CREB5: variants seen among roughly 807,000 people sequenced by gnomAD.
CREB5 encodes the protein cyclic AMP-responsive element-binding protein 5.
In CREB5, 19 loss-of-function variants were observed where a neutral mutation model predicts 57.1. That is an observed-to-expected ratio of 0.33 (90% CI 0.23 to 0.49). CREB5 has a LOEUF of 0.49. Among genes scored for constraint, CREB5 ranks in the 20% least tolerant of loss-of-function variants. The probability of loss-of-function intolerance (pLI) is 0.99; values close to 1 mark genes in which losing one functional copy is unlikely to be tolerated. For synonymous variants in CREB5, 238 were observed against 238.3 expected, an observed-to-expected ratio of 1.00 and a Z score of 0.01; for missense variants, 579 against 671.6, an observed-to-expected ratio of 0.86 and a Z score of 1.52.
chr7:28,684,757 G>T (rs56388170), intron 5 of CREB5, among the ~76,000 whole-genome samples: 55,466 of 151,996 alleles, frequency 0.36, 11,276 homozygotes, highest in African/African-American at 0.56. Flanking sequence ...AAAAATTGCA[G>T]CTTCATGCCT....
intron 1 of CREB5, among the ~76,000 whole-genome samples, chr7:28,323,858 G>C (rs1785532377): frequency 6.6e-6 from 1 of 152,168 alleles, no homozygotes; most frequent in Non-Finnish European, 1.5e-5. Context: ...TTGTTTTCCT[G>C]CAAATAGATG....
At chr7:28,784,977 G>A (rs560787660) in intron 7 of CREB5, among the ~76,000 whole-genome samples, 6 of 152,180 alleles carry the variant, frequency 3.9e-5, no homozygotes, top group South Asian at 4.1e-4. Context: ...TTCAAGTCAC[G>A]ATTGTTAAAG....
chr7:28,420,406 A>C (rs1788194157), intron 1 of CREB5, among the ~76,000 whole-genome samples: 1 of 152,222 alleles, frequency 6.6e-6, no homozygotes, highest in Non-Finnish European at 1.5e-5. Context: ...ATATTCCTTC[A>C]CATAGTTGTA....
At chr7:28,529,946 A>G (rs1793650796) in intron 4 of CREB5, among the ~76,000 whole-genome samples, 2 of 152,220 alleles carry the variant, frequency 1.3e-5, no homozygotes, top group Non-Finnish European at 2.9e-5. Context: ...TATTTGCCAG[A>G]TATCTTGCAA....
At position 28,742,250 on chromosome 7, in the gene CREB5, A is replaced by G. The variant is rs191493071; in HGVS notation, c.702+17918A>G. ...GGGCTGAACTAATTGAAGCAATTCT[A>G]TGTGCTTACTTCATATTAGAAAATG... On this transcript the variant is annotated intron_variant, in intron 7 of 10. Coordinates refer to ENST00000357727, the MANE Select transcript of CREB5 (RefSeq NM_182898.4). 7.2e-5 allele frequency among the ~76,000 whole-genome samples: 11 copies of G among 152,048 alleles called. No individual in the cohort carries two copies. In the East Asian group the frequency reaches 2.0e-3, roughly 27 times the overall value.
At chr7:28,349,216 C>T (rs1355917147) in intron 1 of CREB5, among the ~76,000 whole-genome samples, 5 of 151,970 alleles carry the variant, frequency 3.3e-5, no homozygotes, top group Non-Finnish European at 7.4e-5. Flanking sequence ...GCAAGGTTTT[C>T]GGAAAGTAGT....
chr7:28,692,717 C>T (rs1219734245), intron 5 of CREB5, among the ~76,000 whole-genome samples: 5 of 151,990 alleles, frequency 3.3e-5, no homozygotes, highest in Non-Finnish European at 7.4e-5. Context: ...TGCAGTGAGC[C>T]GAGATCGCAC....
chr7:28,416,725 C>T (rs529458093), intron 1 of CREB5, among the ~76,000 whole-genome samples: 69 of 152,296 alleles, frequency 4.5e-4, no homozygotes, highest in African/African-American at 1.6e-3. Context: ...ACGCTGGGGG[C>T]CTCCAGGGTC....
intron 5 of CREB5, among the ~76,000 whole-genome samples, chr7:28,609,615 C>T (rs1404855805): frequency 6.6e-6 from 1 of 152,196 alleles, no homozygotes; most frequent in Non-Finnish European, 1.5e-5. Context: ...CATTTCTGTT[C>T]AATGAGCTGG....
At chr7:28,539,616 C>T (rs1280696105) in intron 4 of CREB5, among the ~76,000 whole-genome samples, 1 of 152,160 alleles carries the variant, frequency 6.6e-6, no homozygotes, top group Non-Finnish European at 1.5e-5. Context: ...TTGTGGTTGA[C>T]ATCATTTTCA....
intron 1 of CREB5, among the ~76,000 whole-genome samples, chr7:28,304,958 C>T (rs888896765): frequency 6.6e-6 from 1 of 152,176 alleles, no homozygotes; most frequent in Non-Finnish European, 1.5e-5. Flanking sequence ...AGTATTTCTT[C>T]ACTGAAATCT....
At chr7:28,628,664 G>C (rs1416625689) in intron 5 of CREB5, among the ~76,000 whole-genome samples, 1 of 152,150 alleles carries the variant, frequency 6.6e-6, no homozygotes, top group Non-Finnish European at 1.5e-5. Context: ...TGGGCTCTTA[G>C]GGTCCAACAG....
chr7:28,539,804 G>A (rs190132124), intron 4 of CREB5, among the ~76,000 whole-genome samples: 284 of 152,268 alleles, frequency 1.9e-3, no homozygotes, highest in African/African-American at 6.4e-3. Flanking sequence ...ACCTGCCTTC[G>A]TCACCTTGTG....
intron 5 of CREB5, among the ~76,000 whole-genome samples, chr7:28,632,742 G>A (rs945934031): frequency 3.3e-5 from 5 of 152,146 alleles, no homozygotes; most frequent in Admixed American, 6.5e-5. Flanking sequence ...CCCTCGGCTC[G>A]AAGGTTAGCC....
chr7:28,315,059 G>A lies in CREB5; in HGVS notation c.-25+15618G>A, dbSNP rs185654615. ...CCCTTGAAGTCAGTAGGAGATAAGG[G>A]TATCTTATCTTATCCTTGGTGTTTA... On this transcript the variant is annotated intron_variant, in intron 1 of 9. Transcript: ENST00000396299. Among the ~76,000 whole-genome samples, 519 of 152,286 alleles carry A rather than the reference G, an allele frequency of 3.4e-3. 3 individuals are homozygous for A. The highest frequency in any genetic ancestry group is 5.7e-3 in the Non-Finnish European group (386 of 68,012).
chr7:28,488,312 A>G, intron 2 of CREB5, 66 bp downstream of exon 2: 1 of 1,467,562 alleles, frequency 6.8e-7, no homozygotes, highest in South Asian at 1.2e-5. Context: ...AGCAACTCTC[A>G]CCCGGCAATC....
intron 1 of CREB5, among the ~76,000 whole-genome samples, chr7:28,462,094 G>A (rs914870197): frequency 6.6e-6 from 1 of 151,890 alleles, no homozygotes; most frequent in Non-Finnish European, 1.5e-5. Context: ...CATAGCCCCC[G>A]GTAACCATTA....
At chr7:28,434,653 A>C (rs1358221321) in intron 1 of CREB5, among the ~76,000 whole-genome samples, 2 of 152,210 alleles carry the variant, frequency 1.3e-5, no homozygotes, top group African/African-American at 4.8e-5. Flanking sequence ...TTTTTCCTTC[A>C]ATGTGAGTCA....
At chr7:28,710,699 T>C (rs1416985944) in intron 5 of CREB5, among the ~76,000 whole-genome samples, 1 of 152,182 alleles carries the variant, frequency 6.6e-6, no homozygotes, top group Non-Finnish European at 1.5e-5. Flanking sequence ...CAGAACACAT[T>C]TAATTTATCA....
Sources: allele counts gnomAD v4.1 joint callset (sites outside exome capture counted in the v4.1 genomes callset), GRCh38; gene constraint gnomAD v4.1.1; transcripts MANE v1.5; gene names NCBI Gene and HGNC (gene_info 2026-07-23, HGNC 2026-07-21).